BDP1: variants seen among roughly 807,000 people sequenced by gnomAD.
BDP1 encodes BDP1 general transcription factor IIIB subunit.
Under a neutral mutation model 266.6 loss-of-function variants are expected in BDP1, and 169 were observed. The ratio of observed to expected loss-of-function variants is 0.63; its 90% CI spans 0.56 to 0.72. The LOEUF (loss-of-function observed/expected upper bound fraction) is 0.72, where lower values mean the gene tolerates loss of function less well. Ranked by LOEUF, BDP1 falls within the 30% of genes least tolerant of loss-of-function variation. BDP1 has a pLI of 0.00. For missense variants in BDP1, 3,015 were observed against 3,053.8 expected (o/e 0.99, Z 0.30); for synonymous variants, 1,090 against 1,022.4 (o/e 1.07, Z -1.26).
intron 16 of BDP1, among the ~76,000 whole-genome samples, chr5:71,506,176 G>C (rs1213575712): frequency 6.6e-6 from 1 of 151,996 alleles, no homozygotes; most frequent in Non-Finnish European, 1.5e-5. Context: ...CTGTGGCTTG[G>C]TAGAAAATTA....
intron 7 of BDP1, among the ~76,000 whole-genome samples, chr5:71,474,744 G>A (rs1390616919): frequency 6.6e-6 from 1 of 152,006 alleles, no homozygotes; most frequent in African/African-American, 2.4e-5. Flanking sequence ...CTACTCGGGA[G>A]GCTAAGGCAA....
chr5:71,533,650 G>A (rs943394648), intron 26 of BDP1, among the ~76,000 whole-genome samples: 12 of 151,538 alleles, frequency 7.9e-5, no homozygotes, highest in Non-Finnish European at 1.6e-4. Flanking sequence ...TTTTTGTAGA[G>A]GTGGGGTCTT....
chr5:71,461,105 A>G (rs1761529861), intron 2 of BDP1, among the ~76,000 whole-genome samples: 1 of 152,108 alleles, frequency 6.6e-6, no homozygotes, highest in South Asian at 2.1e-4. Context: ...TCAGCCTCCC[A>G]AGTAGCTGTG....
At position 71,516,107 on chromosome 5, in the gene BDP1, A is replaced by G. The variant is rs1765203659; in HGVS notation, c.4696A>G (p.Ile1566Val). The change falls in exon 21 of 39, where the codon ATC becomes GTC. Residue 1566 changes from isoleucine (I) to valine (V), a missense_variant. This residue lies in a region of BDP1 where 2,383 missense variants were observed against 2,404.9 expected (regional missense o/e 0.99). Transcript: ENST00000358731. The stretch of plus-strand genomic sequence containing the variant: ...CCAGCAAGAAATGAAGGAAAGTGTT[A>G]TCCAAACTGCTCGACAAGTAAGGGG... ...TFQQEMKESVIQTARQVRGRL... is the reference protein window; with the variant it reads ...TFQQEMKESVVQTARQVRGRL... The G allele has an allele frequency of 1.9e-6, 3 of 1,611,552 alleles. No individual in the cohort carries two copies. Among genetic ancestry groups the G allele is most frequent in the Non-Finnish European group, 2.5e-6 (3 of 1,178,658 alleles).
chr5:71,490,141 T>C (rs1272732989), intron 10 of BDP1, among the ~76,000 whole-genome samples: 1 of 152,156 alleles, frequency 6.6e-6, no homozygotes, highest in East Asian at 1.9e-4. Context: ...CACTTATGAG[T>C]TGCTTGGGGA....
intron 7 of BDP1, among the ~76,000 whole-genome samples, chr5:71,481,439 C>T (rs1269857927): frequency 6.7e-6 from 1 of 149,984 alleles, no homozygotes; most frequent in African/African-American, 2.5e-5. Flanking sequence ...GCACACGTCC[C>T]CTAGCAATTC....
At chr5:71,504,539 A>G (rs1428719370) in intron 15 of BDP1, 82 bp from the exon 16 acceptor site, 1 of 1,237,520 alleles carries the variant, frequency 8.1e-7, no homozygotes. Flanking sequence ...ACCATTTTAT[A>G]CTTAAATTGG....
At chr5:71,532,699 C>T (rs948578665) in intron 26 of BDP1, among the ~76,000 whole-genome samples, 3 of 152,128 alleles carry the variant, frequency 2.0e-5, no homozygotes, top group African/African-American at 4.8e-5. Flanking sequence ...TATTCTGTTG[C>T]GTTTTATTTG....
At chr5:71,534,992 A>G (rs1257242321) in intron 26 of BDP1, among the ~76,000 whole-genome samples, 4 of 152,058 alleles carry the variant, frequency 2.6e-5, no homozygotes, top group Admixed American at 2.0e-4. Context: ...AAGTGTGTAG[A>G]AATAAAAATG....
In BDP1 at chr5:71,455,738, A is replaced by G; in HGVS notation, c.-140A>G. Reference sequence around the variant, plus strand: ...AGGAGGAGGCGGCGGCGGGGCAGTGAAACTACGGTAGCTGCCCCCTGAGCT... The same window carrying G: ...AGGAGGAGGCGGCGGCGGGGCAGTGGAACTACGGTAGCTGCCCCCTGAGCT... On this transcript the variant is annotated 5_prime_UTR_variant, in exon 1 of 39. Coordinates refer to ENST00000358731, the MANE Select transcript of BDP1 (RefSeq NM_018429.3). 2.8e-6 allele frequency: 2 copies of G among 720,546 alleles called. No homozygotes were observed. The highest frequency in any genetic ancestry group is 4.5e-6 in the Non-Finnish European group (2 of 441,674). 44.6% of individuals were successfully genotyped at this position (720,546 alleles called of 1,614,324 possible).
intron 8 of BDP1, among the ~76,000 whole-genome samples, chr5:71,486,139 T>C (rs908054601): frequency 6.6e-6 from 1 of 152,228 alleles, no homozygotes; most frequent in African/African-American, 2.4e-5. Flanking sequence ...AGTATGTTTT[T>C]GAGATTCCCT....
Position 71,455,856 on chromosome 5 carries a change from C to T in BDP1, c.-22C>T, listed in dbSNP as rs1761134967. ...GCTGTGAGCGGCCGTGAGGCTGCCTCCCCGGGCCCCCTGCCTCCGCCATGT... is the reference window on the plus strand; with the variant it reads ...GCTGTGAGCGGCCGTGAGGCTGCCTTCCCGGGCCCCCTGCCTCCGCCATGT... On this transcript the variant is annotated 5_prime_UTR_variant, in exon 1 of 39. Coordinates refer to ENST00000358731, the MANE Select transcript of BDP1 (RefSeq NM_018429.3). The T allele has an allele frequency of 4.5e-6, 7 of 1,548,956 alleles. No individual in the cohort carries two copies. The East Asian group carries it at 1.5e-4, about 32-fold the overall frequency.
intron 15 of BDP1, 51 bp from the exon 16 acceptor site, chr5:71,504,570 T>TA (rs1561718902): frequency 6.6e-7 from 1 of 1,523,932 alleles, no homozygotes; most frequent in East Asian, 2.3e-5. Context: ...TGAAATCTGT[T>TA]ATGCCTCATT....
rs768042280 is a variant in BDP1 at position 71,459,406 on chromosome 5, G to C, written c.489+551G>C. On this transcript the variant is annotated intron_variant, in intron 2 of 38. Transcript: ENST00000358731. ...GTGCATCTGTAATCCCAACTACTGG[G>C]GAGGCTGAGGCATGAGAATTGCTTG... 2.6e-5 allele frequency among the ~76,000 whole-genome samples: 4 copies of C among 152,292 alleles called. No homozygotes were observed. The South Asian group carries it at 8.3e-4, about 32-fold the overall frequency.
At chr5:71,534,740 C>G (rs1766482353) in intron 26 of BDP1, among the ~76,000 whole-genome samples, 1 of 152,128 alleles carries the variant, frequency 6.6e-6, no homozygotes, top group South Asian at 2.1e-4. Context: ...CTCCCTGGTT[C>G]AAGCAATTCT....
At chr5:71,550,467 T>A (rs78858280) in intron 34 of BDP1, among the ~76,000 whole-genome samples, 9 of 70,928 alleles carry the variant, frequency 1.3e-4, no homozygotes, top group African/African-American at 2.3e-4. Context: ...TAAAAAAAAA[T>A]TTTTTTTTTC....
intron 8 of BDP1, among the ~76,000 whole-genome samples, chr5:71,485,574 G>T (rs1424900752): frequency 6.6e-6 from 1 of 152,078 alleles, no homozygotes; most frequent in African/African-American, 2.4e-5. Context: ...AGGCTATCTT[G>T]TAATCAAACC....
At chr5:71,513,472 A>G in intron 19 of BDP1, 65 bp downstream of exon 19, 1 of 919,904 alleles carries the variant, frequency 1.1e-6, no homozygotes, top group East Asian at 2.5e-5. Flanking sequence ...TATTAGGACT[A>G]CTAAAAGCAC....
intron 17 of BDP1, among the ~76,000 whole-genome samples, chr5:71,511,545 G>A (rs974653870): frequency 2.0e-5 from 3 of 152,080 alleles, no homozygotes; most frequent in African/African-American, 4.8e-5. Context: ...TACTTGGGAG[G>A]CTGAGGTGAG....
Sources: allele counts gnomAD v4.1 joint callset (sites outside exome capture counted in the v4.1 genomes callset), GRCh38; gene constraint gnomAD v4.1.1; regional missense constraint gnomAD v4.1.1; transcripts MANE v1.5; gene names NCBI Gene and HGNC (gene_info 2026-07-23, HGNC 2026-07-21).